The following C11orf65 variants were observed in gnomAD, a reference collection of about 807,000 sequenced individuals.
The protein encoded by C11orf65 is chromosome 11 open reading frame 65.
A neutral mutation model predicts 35.3 loss-of-function variants in C11orf65; 38 were observed. That is an observed-to-expected ratio of 1.08 (90% CI 0.83 to 1.41). The LOEUF is 1.41. Among genes scored for constraint, C11orf65 ranks in the 40% most tolerant of loss-of-function variants. C11orf65 has a pLI of 0.00. For missense variants in C11orf65, 370 were observed against 367.1 expected (o/e 1.01, Z -0.06); for synonymous variants, 105 against 114.4 (o/e 0.92, Z 0.53).
intron 2 of C11orf65, among the ~76,000 whole-genome samples, chr11:108,438,701 T>C (rs2093104707): frequency 6.6e-6 from 1 of 151,676 alleles, no homozygotes; most frequent in Non-Finnish European, 1.5e-5. Context: ...AACAAAAAGA[T>C]AAACTGGACT....
intron 6 of C11orf65, among the ~76,000 whole-genome samples, chr11:108,316,678 G>A (rs1254428254): frequency 6.6e-6 from 1 of 151,270 alleles, no homozygotes; most frequent in African/African-American, 2.4e-5. Flanking sequence ...GGGAGGCCGA[G>A]GCGAGCAGAT....
downstream of C11orf65, among the ~76,000 whole-genome samples, chr11:108,380,332 A>G (rs972840567): frequency 6.6e-6 from 1 of 152,244 alleles, no homozygotes; most frequent in Non-Finnish European, 1.5e-5. Flanking sequence ...AAGTAGAGAT[A>G]CACATGGATT....
intron 1 of C11orf65, among the ~76,000 whole-genome samples, chr11:108,463,228 A>G (rs566678621): frequency 7.1e-6 from 1 of 140,678 alleles, no homozygotes; most frequent in South Asian, 2.6e-4. Flanking sequence ...CATATAACAT[A>G]CATCTACTAA....
At chr11:108,392,549 AT>A (rs1337576059) in intron 7 of C11orf65, among the ~76,000 whole-genome samples, 1 of 152,172 alleles carries the variant, frequency 6.6e-6, no homozygotes, top group African/African-American at 2.4e-5. Context: ...GCTGGATCAC[AT>A]GTCAGCTCTA....
intron 2 of C11orf65, among the ~76,000 whole-genome samples, chr11:108,437,650 C>A (rs1482871308): frequency 1.6e-5 from 2 of 125,284 alleles, no homozygotes; most frequent in African/African-American, 3.1e-5. Context: ...GCAGAGGTTG[C>A]AGTGAGCTGA....
At position 108,324,439 on chromosome 11, in the gene C11orf65, T is replaced by C. The variant is rs568674910; in HGVS notation, c.641-15368A>G. On this transcript the variant is annotated intron_variant, in intron 6 of 6. Transcript: ENST00000525729. ...TAGATTTTTCTCAGTCTTTCTAATA[T>C]GATATCATATCTAATATCAGTAGAT... is the stretch of plus-strand genomic sequence containing the variant. 3.9e-5 allele frequency among the ~76,000 whole-genome samples: 6 copies of C among 152,270 alleles called. No individual in the cohort carries two copies. In the South Asian group the frequency reaches 1.2e-3, roughly 32 times the overall value.
chr11:108,349,183 T>G (rs576578041), intron 2 of C11orf65, among the ~76,000 whole-genome samples: 8 of 152,256 alleles, frequency 5.3e-5, no homozygotes, highest in South Asian at 2.1e-4. Flanking sequence ...GGAAAATCTT[T>G]TATGAAAGAA....
intron 6 of C11orf65, among the ~76,000 whole-genome samples, chr11:108,322,289 G>A (rs756747128): frequency 8.5e-5 from 13 of 152,168 alleles, no homozygotes; most frequent in Non-Finnish European, 1.5e-4. Flanking sequence ...CGAGTAGCTG[G>A]GATTATAGGT....
chr11:108,416,707 G>A (rs1233247745), intron 3 of C11orf65, among the ~76,000 whole-genome samples: 2 of 151,972 alleles, frequency 1.3e-5, no homozygotes, highest in African/African-American at 4.8e-5. Flanking sequence ...AAAACAATGA[G>A]ATACCTCTAT....
chr11:108,363,540 G>C (rs2137796828), intron 2 of C11orf65, among the ~76,000 whole-genome samples: 1 of 152,272 alleles, frequency 6.6e-6, no homozygotes, highest in East Asian at 1.9e-4. Context: ...TGTCACAATT[G>C]GGGATGGGAG....
intron 6 of C11orf65, among the ~76,000 whole-genome samples, chr11:108,404,413 T>C (rs184241286): frequency 6.6e-6 from 1 of 152,050 alleles, no homozygotes; most frequent in Non-Finnish European, 1.5e-5. Flanking sequence ...ATACTTTTTT[T>C]TGTGTTTGTT....
At chr11:108,392,109 G>A (rs979454418) in intron 7 of C11orf65, among the ~76,000 whole-genome samples, 1 of 152,090 alleles carries the variant, frequency 6.6e-6, no homozygotes, top group East Asian at 1.9e-4. Flanking sequence ...GTACAGTGGT[G>A]TGATCATGGC....
At chr11:108,462,208 T>A (rs926490607) in intron 1 of C11orf65, among the ~76,000 whole-genome samples, 4 of 152,116 alleles carry the variant, frequency 2.6e-5, no homozygotes, top group Non-Finnish European at 4.4e-5. Context: ...GATGCCTAGC[T>A]AATTTTTAAA....
intron 3 of C11orf65, among the ~76,000 whole-genome samples, chr11:108,407,948 A>AG (rs1555166208): frequency 7.8e-5 from 9 of 114,774 alleles, no homozygotes; most frequent in African/African-American, 2.1e-4. Flanking sequence ...AAAAAAAAAA[A>AG]AAAAGAAAAG....
chr11:108,374,463 T>C (rs201504671), intron 2 of C11orf65, among the ~76,000 whole-genome samples: 3 of 151,908 alleles, frequency 2.0e-5, no homozygotes, highest in African/African-American at 4.8e-5. Flanking sequence ...ACAGAAAGGA[T>C]ATCCACACCA....
intron 2 of C11orf65, among the ~76,000 whole-genome samples, chr11:108,452,718 C>G (rs1024066670): frequency 1.3e-5 from 2 of 152,114 alleles, no homozygotes; most frequent in African/African-American, 4.8e-5. Context: ...TACTGCAGCA[C>G]TATTCACAAT....
intron 6 of C11orf65, chr11:108,319,881 G>A: frequency 4.7e-6 from 5 of 1,067,848 alleles, no homozygotes; most frequent in Non-Finnish European, 5.7e-6. Context: ...TTGTCCTTTG[G>A]TGAAGCTATT....
At chr11:108,379,377 C>T (rs1441178761), downstream of C11orf65, among the ~76,000 whole-genome samples, 1 of 148,554 alleles carries the variant, frequency 6.7e-6, no homozygotes. Context: ...TATCGCAGGA[C>T]AAAAAACCAA....
At chr11:108,463,117 C>T (rs1481251471) in intron 1 of C11orf65, among the ~76,000 whole-genome samples, 1 of 152,108 alleles carries the variant, frequency 6.6e-6, no homozygotes, top group Non-Finnish European at 1.5e-5. Context: ...CAAAATGAGA[C>T]CATGTCTCTA....
Sources: gnomAD v4.1 joint callset for allele counts (sites outside exome capture counted in the v4.1 genomes callset) on GRCh38, gnomAD v4.1.1 for gene constraint, MANE v1.5 for transcripts, NCBI Gene and HGNC (gene_info 2026-07-23, HGNC 2026-07-21) for gene names.